PTK7: variants seen among roughly 807,000 people sequenced by gnomAD.
PTK7 encodes inactive tyrosine-protein kinase 7.
Under a neutral mutation model 116.6 loss-of-function variants are expected in PTK7, and 39 were observed. That is an observed-to-expected ratio of 0.33 (90% CI 0.26 to 0.44). The LOEUF (loss-of-function observed/expected upper bound fraction) is 0.44, where lower values mean the gene tolerates loss of function less well. Ranked by LOEUF, PTK7 falls within the 20% of genes least tolerant of loss-of-function variation. The pLI is 1.00. For missense variants in PTK7, 1,169 were observed against 1,425.6 expected (o/e 0.82, Z 2.90); for synonymous variants, 546 against 563.6 (o/e 0.97, Z 0.44).
chr6:43,124,121 G>T (rs1340684080), intron 1 of PTK7, among the ~76,000 whole-genome samples: 1 of 152,208 alleles, frequency 6.6e-6, no homozygotes, highest in Non-Finnish European at 1.5e-5. Flanking sequence ...AGGCAGCCTC[G>T]GGAAGCCCAG....
At chr6:43,144,948 A>G (rs918696436) in intron 15 of PTK7, 8 of 430,898 alleles carry the variant, frequency 1.9e-5, no homozygotes, top group Admixed American at 3.8e-5. Flanking sequence ...ACGTTAAGAC[A>G]TGTTTACCAT....
chr6:43,158,420 A>T (rs1013064092), intron 17 of PTK7, among the ~76,000 whole-genome samples: 2 of 152,122 alleles, frequency 1.3e-5, no homozygotes, highest in Non-Finnish European at 2.9e-5. Flanking sequence ...GTGAGCTGTG[A>T]TCATGTCACT....
intron 1 of PTK7, among the ~76,000 whole-genome samples, chr6:43,117,414 A>G (rs1158498179): frequency 6.6e-6 from 1 of 152,200 alleles, no homozygotes; most frequent in Non-Finnish European, 1.5e-5. Context: ...GTGAAACACA[A>G]TAGATTGGTT....
At chr6:43,088,879 C>T (rs1766802098) in intron 1 of PTK7, among the ~76,000 whole-genome samples, 1 of 152,078 alleles carries the variant, frequency 6.6e-6, no homozygotes, top group African/African-American at 2.4e-5. Context: ...CAGGCCCTGG[C>T]TTGTAGGTGC....
At chr6:43,087,273 C>T (rs924275403) in intron 1 of PTK7, among the ~76,000 whole-genome samples, 1 of 152,224 alleles carries the variant, frequency 6.6e-6, no homozygotes, top group African/African-American at 2.4e-5. Context: ...TGCTGTCTTG[C>T]AGATACAGGC....
chr6:43,114,600 A>ATTT (rs2150406802), intron 1 of PTK7, among the ~76,000 whole-genome samples: 1 of 152,172 alleles, frequency 6.6e-6, no homozygotes, highest in Non-Finnish European at 1.5e-5. Flanking sequence ...GGGAGTAGGC[A>ATTT]TGAAATAAAC....
In PTK7 at chr6:43,157,354, AT is replaced by A. The variant is rs1771527997; in HGVS notation, c.2722-1462del. Among the ~76,000 whole-genome samples the A allele has an allele frequency of 1.9e-3, 7 of 3,724 alleles. 1 individual carries two copies. The highest frequency in any genetic ancestry group is 1.9e-3 in the Non-Finnish European group (4 of 2,060). The allele number at this position is 3,724 out of a possible 152,430, so 2.4% of individuals were successfully genotyped here. A position where few individuals can be genotyped will look rare whatever the true frequency, so the allele number is the denominator to read the frequency against. On this transcript the variant is annotated intron_variant, in intron 17 of 19. Coordinates refer to ENST00000230419, the MANE Select transcript of PTK7 (RefSeq NM_002821.5). ...TATATATATATATATATATATATAT[AT>A]ATATATATATTTTTTTTTTTCTTTT...
rs773399292 is a variant in PTK7, at chr6:43,142,206, C to T, written c.1954C>T (p.His652Tyr). The change falls in exon 13 of 20, where the codon CAT (histidine) becomes TAT (tyrosine). Residue 652 changes from histidine to tyrosine, a missense_variant. Physicochemically the swap from His to Tyr is moderately conservative, Grantham distance 83. This residue lies in a region of PTK7 where 678 missense variants were observed against 853.8 expected (regional missense o/e 0.79). Coordinates refer to ENST00000230419, the MANE Select transcript of PTK7 (RefSeq NM_002821.5). ...CTTCCAGAATGGCTCCCTGGTGATCCATGACGTGGCCCCTGAGGACTCAGG... is the reference window on the plus strand; with the variant it reads ...CTTCCAGAATGGCTCCCTGGTGATCTATGACGTGGCCCCTGAGGACTCAGG... ...HIFQNGSLVI[H>Y]DVAPEDSGRY... 1 of 1,614,164 alleles carries T rather than the reference C, an allele frequency of 6.2e-7. No individual in the cohort carries two copies. Among genetic ancestry groups the T allele is most frequent in the Non-Finnish European group, 8.5e-7 (1 of 1,180,036 alleles).
In PTK7 at chr6:43,117,013, G is replaced by A. The variant is rs575664168; in HGVS notation, c.80-11964G>A. Among the ~76,000 whole-genome samples the A allele has an allele frequency of 1.1e-4, 16 of 151,860 alleles. No homozygotes were observed. The South Asian group carries it at 2.5e-3, about 24-fold the overall frequency. ...TAATTTTTGTATTTTTAATAGGGAC[G>A]GGGTTTCACCATGTTGCCCAGGCTG... On this transcript the variant is annotated intron_variant, in intron 1 of 19. Transcript: ENST00000230419.
intron 1 of PTK7, among the ~76,000 whole-genome samples, chr6:43,106,394 A>AC (rs1181607715): frequency 1.3e-5 from 2 of 149,396 alleles, no homozygotes; most frequent in African/African-American, 4.9e-5. Flanking sequence ...CGCAGCCTTG[A>AC]CCTCCTGGAC....
chr6:43,083,783 A>G (rs1766501984), intron 1 of PTK7, among the ~76,000 whole-genome samples: 1 of 152,252 alleles, frequency 6.6e-6, no homozygotes, highest in Non-Finnish European at 1.5e-5. Context: ...GCAGATCCCA[A>G]GCCCCTGTTA....
chr6:43,147,394 G>A (rs1008944764), intron 17 of PTK7, among the ~76,000 whole-genome samples: 1 of 152,188 alleles, frequency 6.6e-6, no homozygotes, highest in African/African-American at 2.4e-5. Context: ...GCTGTGGCCC[G>A]GCCCCTTCTT....
At chr6:43,090,084 T>C (rs1321524513) in intron 1 of PTK7, among the ~76,000 whole-genome samples, 3 of 152,218 alleles carry the variant, frequency 2.0e-5, no homozygotes, top group Non-Finnish European at 4.4e-5. Context: ...GACAGCAATT[T>C]TAGGCGAGTC....
intron 1 of PTK7, among the ~76,000 whole-genome samples, chr6:43,117,533 C>T (rs1768630111): frequency 6.6e-6 from 1 of 152,164 alleles, no homozygotes; most frequent in Non-Finnish European, 1.5e-5. Context: ...AGGGGCAGCT[C>T]CTGAGCCTGC....
intron 7 of PTK7, among the ~76,000 whole-genome samples, chr6:43,136,978 T>C (rs1770079841): frequency 6.6e-6 from 1 of 152,192 alleles, no homozygotes; most frequent in South Asian, 2.1e-4. Flanking sequence ...CACTCCAGCC[T>C]AGGTAACAGG....
rs757011611 is a variant in PTK7 at position 43,129,082 on chromosome 6, A to T, written c.185A>T (p.His62Leu). 2 of 1,614,196 alleles carry T rather than the reference A, an allele frequency of 1.2e-6. No individual in the cohort carries two copies. Among genetic ancestry groups the T allele is most frequent in the East Asian group, 4.5e-5 (2 of 44,884 alleles). The change falls in exon 2 of 20, where the codon CAT becomes CTT. Residue 62 changes from histidine (H) to leucine (L), a missense_variant. By Grantham distance (99) the His-to-Leu change is moderately conservative. Transcript: ENST00000230419. This position sits in a 1 kb window ranked among gnomAD's most constrained non-coding sequence, Gnocchi z 4.5. The part of the protein sequence containing the change: ...RCEVEAPGPV[H>L]VYWLLDGAPV... ...GAGGTTGAGGCTCCGGGCCCGGTAC[A>T]TGTGTACTGGCTGCTCGATGGGGCC...
chr6:43,076,667 C>T lies in PTK7; in HGVS notation c.79+100C>T. ...CGGTGGGTTTGGGCGGCTGGAACGG[C>T]CCTGGAGTAGTGGAGAGGCTCGCTG... On this transcript the variant is annotated intron_variant, in intron 1 of 19. Coordinates refer to ENST00000230419, the MANE Select transcript of PTK7 (RefSeq NM_002821.5). This position sits in a 1 kb window ranked among gnomAD's most constrained non-coding sequence, Gnocchi z 5.7. 1 of 1,438,630 alleles carries T rather than the reference C, an allele frequency of 7.0e-7. No homozygotes were observed. The highest frequency in any genetic ancestry group is 9.3e-7 in the Non-Finnish European group (1 of 1,078,818). The allele number at this position is 1,438,630 out of a possible 1,614,324, so 89.1% of individuals were successfully genotyped here. A position where few individuals can be genotyped will look rare whatever the true frequency, so the allele number is the denominator to read the frequency against.
chr6:43,101,922 G>A (rs749591555), intron 1 of PTK7, among the ~76,000 whole-genome samples: 10 of 152,182 alleles, frequency 6.6e-5, no homozygotes, highest in South Asian at 2.1e-4. Context: ...GTGGCTGGGC[G>A]TGGTGGTTCA....
At chr6:43,159,646 C>T (rs1462236174) in intron 18 of PTK7, 142 bp from the exon 19 acceptor site, 26 of 791,416 alleles carry the variant, frequency 3.3e-5, no homozygotes, top group Admixed American at 1.2e-4. Context: ...ATGCTCAGCA[C>T]GCATGTGACC....
Sources: gnomAD v4.1 joint callset for allele counts (sites outside exome capture counted in the v4.1 genomes callset) on GRCh38, gnomAD v4.1.1 for gene constraint, gnomAD v4.1.1 regional missense constraint, Gnocchi (gnomAD v3.1) non-coding constraint, MANE v1.5 for transcripts, NCBI Gene and HGNC (gene_info 2026-07-23, HGNC 2026-07-21) for gene names.